The following PLCB1 variants were observed in gnomAD, a reference collection of about 807,000 sequenced individuals.
PLCB1 encodes the protein phospholipase C beta 1, also known as 1-phosphatidylinositol 4,5-bisphosphate phosphodiesterase beta-1.
A neutral mutation model predicts 161.8 loss-of-function variants in PLCB1; 46 were observed. The observed-to-expected ratio is 0.28, with a 90% CI of 0.22 to 0.36. The LOEUF is 0.36. Ranked by LOEUF, PLCB1 falls within the 10% of genes least tolerant of loss-of-function variation. The pLI is 1.00. For missense variants in PLCB1, 1,016 were observed against 1,472.5 expected (o/e 0.69, Z 5.07); for synonymous variants, 517 against 503.7 (o/e 1.03, Z -0.35).
intron 2 of PLCB1, among the ~76,000 whole-genome samples, chr20:8,184,010 GTAA>G (rs1466654372): frequency 6.6e-6 from 1 of 151,914 alleles, no homozygotes; most frequent in African/African-American, 2.4e-5. Context: ...TGTTTTTGGG[GTAA>G]TAATGATATG....
intron 3 of PLCB1, among the ~76,000 whole-genome samples, chr20:8,589,494 A>G (rs1400171566): frequency 6.6e-6 from 1 of 152,258 alleles, no homozygotes; most frequent in Non-Finnish European, 1.5e-5. Flanking sequence ...TCAAGGTGCC[A>G]GCAGATTTGG....
At chr20:8,434,933 C>G (rs1980231172) in intron 3 of PLCB1, among the ~76,000 whole-genome samples, 1 of 152,196 alleles carries the variant, frequency 6.6e-6, no homozygotes, top group Admixed American at 6.5e-5. Flanking sequence ...TTCACTATAC[C>G]ACACAGCCTC....
chr20:8,636,126 G>A (rs1988755422), intron 4 of PLCB1, among the ~76,000 whole-genome samples: 1 of 152,166 alleles, frequency 6.6e-6, no homozygotes, highest in Admixed American at 6.5e-5. Flanking sequence ...TCAGCAATTT[G>A]TTTTGGGACA....
At chr20:8,179,025 G>C (rs562092896) in intron 2 of PLCB1, among the ~76,000 whole-genome samples, 1 of 152,108 alleles carries the variant, frequency 6.6e-6, no homozygotes, top group East Asian at 1.9e-4. Flanking sequence ...TGCTGTTTTC[G>C]TTACTGTATA....
chr20:8,521,270 A>C (rs1984337591), intron 3 of PLCB1, among the ~76,000 whole-genome samples: 1 of 152,134 alleles, frequency 6.6e-6, no homozygotes, highest in African/African-American at 2.4e-5. Flanking sequence ...ACAAATTAGT[A>C]AGATGTCAAC....
chr20:8,725,704 T>C (rs1979897282), intron 16 of PLCB1, among the ~76,000 whole-genome samples: 1 of 152,138 alleles, frequency 6.6e-6, no homozygotes. Flanking sequence ...CATCCTAGCG[T>C]AGTTATTTTT....
chr20:8,629,875 T>TTCTGTCTC (rs1272803067), intron 4 of PLCB1, among the ~76,000 whole-genome samples: 1 of 83,462 alleles, frequency 1.2e-5, no homozygotes. Flanking sequence ...CTTTCTTTCT[T>TTCTGTCTC]TCTCTCTCTC....
chr20:8,377,291 C>T (rs1280812854), intron 3 of PLCB1, among the ~76,000 whole-genome samples: 1 of 152,152 alleles, frequency 6.6e-6, no homozygotes, highest in African/African-American at 2.4e-5. Flanking sequence ...GAGAGCATTC[C>T]TCTTTGCCGG....
intron 3 of PLCB1, among the ~76,000 whole-genome samples, chr20:8,454,946 A>G (rs528671095): frequency 6.6e-6 from 1 of 152,238 alleles, no homozygotes; most frequent in African/African-American, 2.4e-5. Context: ...CTGGTATACA[A>G]CAGGTGATCC....
intron 31 of PLCB1, among the ~76,000 whole-genome samples, chr20:8,818,573 A>G (rs1232763117): frequency 1.3e-5 from 2 of 152,262 alleles, no homozygotes; most frequent in Non-Finnish European, 2.9e-5. Context: ...TATGCTGAAT[A>G]TAAAATTAAT....
At chr20:8,779,507 C>CAAAAAAAA (rs373073139) in intron 27 of PLCB1, among the ~76,000 whole-genome samples, 32 of 102,510 alleles carry the variant, frequency 3.1e-4, no homozygotes, top group African/African-American at 1.2e-3. Flanking sequence ...CACTTTTGTG[C>CAAAAAAAA]AAAAAAAAAA....
intron 1 of PLCB1, among the ~76,000 whole-genome samples, chr20:8,149,796 C>A (rs928578898): frequency 6.6e-6 from 1 of 152,178 alleles, no homozygotes; most frequent in East Asian, 1.9e-4. Context: ...AAATTTGCAA[C>A]AAGTTTGTAT....
chr20:8,685,245 C>G (rs1990331839), intron 10 of PLCB1, among the ~76,000 whole-genome samples, 167 bp downstream of exon 10: 1 of 152,158 alleles, frequency 6.6e-6, no homozygotes, highest in African/African-American at 2.4e-5. Flanking sequence ...CATAAGCAGT[C>G]ATGTCCACAT....
chr20:8,574,334 G>A (rs1056258324), intron 3 of PLCB1, among the ~76,000 whole-genome samples: 4 of 152,128 alleles, frequency 2.6e-5, no homozygotes, highest in Non-Finnish European at 5.9e-5. Context: ...AAGAGGCAGA[G>A]GTTGCACTGA....
intron 31 of PLCB1, among the ~76,000 whole-genome samples, chr20:8,843,126 CT>C (rs1986569981): frequency 6.6e-6 from 1 of 152,148 alleles, no homozygotes; most frequent in South Asian, 2.1e-4. Flanking sequence ...GATATATATT[CT>C]TTAATTGATG....
intron 3 of PLCB1, among the ~76,000 whole-genome samples, chr20:8,572,183 A>G (rs987539677): frequency 3.3e-5 from 5 of 152,172 alleles, no homozygotes; most frequent in African/African-American, 4.8e-5. Context: ...GTACATGCCT[A>G]TGTTTTTTGT....
In PLCB1 at chr20:8,167,281, T is replaced by C. The variant is rs140863523; in HGVS notation, c.177+16910T>C. Among the ~76,000 whole-genome samples, 268 of 152,292 alleles carry C rather than the reference T, an allele frequency of 1.8e-3. 2 individuals are homozygous for C. Among genetic ancestry groups the C allele is most frequent in the African/African-American group, 4.4e-3 (182 of 41,562 alleles). On this transcript the variant is annotated intron_variant, in intron 2 of 31. Coordinates refer to ENST00000338037, the MANE Select transcript of PLCB1 (RefSeq NM_015192.4). ...ATTGTAGGAACTCCAAGACTATTAG[T>C]TGGAGGAGTGACTGCAGTGTTTTTA...
chr20:8,700,195 C>T (rs1990667193), intron 11 of PLCB1, among the ~76,000 whole-genome samples: 1 of 152,220 alleles, frequency 6.6e-6, no homozygotes, highest in Admixed American at 6.5e-5. Context: ...GAGCTGGTGG[C>T]ACCGCACACT....
chr20:8,780,365 C>T (rs1282654748), intron 27 of PLCB1, among the ~76,000 whole-genome samples: 4 of 152,148 alleles, frequency 2.6e-5, no homozygotes, highest in African/African-American at 9.7e-5. Context: ...CTTCTTTCTT[C>T]TTCCTCCTTT....
Sources: gnomAD v4.1 joint callset for allele counts (sites outside exome capture counted in the v4.1 genomes callset) on GRCh38, gnomAD v4.1.1 for gene constraint, MANE v1.5 for transcripts, NCBI Gene and HGNC (gene_info 2026-07-23, HGNC 2026-07-21) for gene names.